The following MAF variants were observed in gnomAD, a reference collection of about 807,000 sequenced individuals.
The protein encoded by MAF is transcription factor Maf.
A neutral mutation model predicts 22.0 loss-of-function variants in MAF; 10 were observed. The observed-to-expected ratio is 0.45, with a 90% confidence interval of 0.28 to 0.77. The LOEUF (loss-of-function observed/expected upper bound fraction) is 0.77, where lower values mean the gene tolerates loss of function less well. Ranked by LOEUF, MAF falls within the 30% of genes least tolerant of loss-of-function variation. MAF has a pLI of 0.12. For missense variants in MAF, 544 were observed against 548.4 expected (o/e 0.99, Z 0.08); for synonymous variants, 337 against 255.8 (o/e 1.32, Z -3.03).
At chr16:79,274,018 G>A in the MAF span, among the ~76,000 whole-genome samples, 4 of 143,210 alleles carry the variant, frequency 2.8e-5, no homozygotes, top group East Asian at 4.6e-4. Context: ...GCAAGGGCAC[G>A]ATCTCGGCTC....
chr16:79,259,118 C>T, the MAF span, among the ~76,000 whole-genome samples: 941 of 152,288 alleles, frequency 6.2e-3, 4 homozygotes, highest in Non-Finnish European at 7.0e-3. Flanking sequence ...TAAAACTCAC[C>T]GATGGCTTTC....
the MAF span, among the ~76,000 whole-genome samples, chr16:79,418,967 T>G: frequency 6.6e-6 from 1 of 152,208 alleles, no homozygotes; most frequent in East Asian, 1.9e-4. Flanking sequence ...TTTATTTGAT[T>G]AAAATGGGCT....
the MAF span, among the ~76,000 whole-genome samples, chr16:79,426,524 C>A: frequency 1.3e-5 from 2 of 152,176 alleles, no homozygotes; most frequent in Non-Finnish European, 2.9e-5. Context: ...TCCTTAGGAT[C>A]CAGCCCTACC....
chr16:79,331,849 G>A, the MAF span, among the ~76,000 whole-genome samples: 1 of 152,062 alleles, frequency 6.6e-6, no homozygotes, highest in Non-Finnish European at 1.5e-5. Flanking sequence ...TGCCCACCTG[G>A]CTCCCTACTT....
chr16:79,415,934 A>G, the MAF span, among the ~76,000 whole-genome samples: 240 of 152,114 alleles, frequency 1.6e-3, 2 homozygotes, highest in African/African-American at 5.6e-3. Flanking sequence ...TACGGTCCTT[A>G]GAATGTCCCT....
At chr16:79,241,565 G>T in the MAF span, among the ~76,000 whole-genome samples, 5 of 152,066 alleles carry the variant, frequency 3.3e-5, no homozygotes, top group Admixed American at 2.6e-4. Context: ...ATCTACATTT[G>T]ATTGGTGTAC....
the MAF span, among the ~76,000 whole-genome samples, chr16:79,283,884 T>C: frequency 2.0e-5 from 3 of 150,378 alleles, no homozygotes; most frequent in Admixed American, 1.3e-4. Context: ...CAGTGTCTCC[T>C]GCACGGGGTA....
chr16:79,295,855 G>A, the MAF span, among the ~76,000 whole-genome samples: 1,514 of 152,298 alleles, frequency 9.9e-3, 28 homozygotes, highest in African/African-American at 0.035. Flanking sequence ...TTTCACAGAT[G>A]AGAAACTGAA....
the MAF span, among the ~76,000 whole-genome samples, chr16:79,378,407 A>C: frequency 6.6e-6 from 1 of 152,218 alleles, no homozygotes; most frequent in Non-Finnish European, 1.5e-5. Context: ...ATAAAAATTA[A>C]AACCAAGCTT....
chr16:79,448,677 A>T, the MAF span, among the ~76,000 whole-genome samples: 1 of 151,992 alleles, frequency 6.6e-6, no homozygotes, highest in African/African-American at 2.4e-5. Context: ...CACACGCCTC[A>T]ACCTCCCAAA....
chr16:79,475,051 T>C, the MAF span, among the ~76,000 whole-genome samples: 1 of 152,228 alleles, frequency 6.6e-6, no homozygotes, highest in African/African-American at 2.4e-5. Context: ...ACACATGGCC[T>C]TGGCCTCACC....
At chr16:79,538,880 A>G in the MAF span, among the ~76,000 whole-genome samples, 12 of 29,524 alleles carry the variant, frequency 4.1e-4, no homozygotes, top group African/African-American at 6.4e-4. Context: ...GAAAAGAAAG[A>G]AAGAAAGAAA....
the MAF span, among the ~76,000 whole-genome samples, chr16:79,520,054 G>A: frequency 4.6e-5 from 7 of 152,200 alleles, no homozygotes; most frequent in African/African-American, 1.7e-4. Context: ...ACACACGTTG[G>A]GTCAAAAGGT....
chr16:79,333,208 G>T, the MAF span, among the ~76,000 whole-genome samples: 1 of 152,186 alleles, frequency 6.6e-6, no homozygotes, highest in Admixed American at 6.5e-5. Flanking sequence ...TGGACCAGAA[G>T]AACTTTGCTG....
At chr16:79,211,683 A>C in the MAF span, 6 of 1,614,184 alleles carry the variant, frequency 3.7e-6, no homozygotes. Context: ...GTACTTCAAC[A>C]ACTGCTGCCG....
At chr16:79,267,993 G>C in the MAF span, among the ~76,000 whole-genome samples, 2 of 152,172 alleles carry the variant, frequency 1.3e-5, no homozygotes, top group Admixed American at 1.3e-4. Flanking sequence ...TCACACCTCA[G>C]TTACTGGCAG....
chr16:79,251,568 C>T, the MAF span, among the ~76,000 whole-genome samples: 48 of 151,130 alleles, frequency 3.2e-4, no homozygotes, highest in Non-Finnish European at 5.5e-4. Context: ...CCATTCGCCT[C>T]GGCCTCCCAA....
the MAF span, among the ~76,000 whole-genome samples, chr16:79,419,378 T>C: frequency 4.6e-5 from 7 of 152,182 alleles, no homozygotes; most frequent in African/African-American, 1.7e-4. Flanking sequence ...TGGACAGAGA[T>C]TGAGAAAACA....
the MAF span, among the ~76,000 whole-genome samples, chr16:79,418,888 C>T: frequency 3.3e-5 from 5 of 152,230 alleles, no homozygotes; most frequent in Middle Eastern, 3.2e-3. Flanking sequence ...ACTCCGTCTC[C>T]TGCTCCTCTG....
Sources: allele counts gnomAD v4.1 joint callset (sites outside exome capture counted in the v4.1 genomes callset), GRCh38; gene constraint gnomAD v4.1.1; transcripts MANE v1.5; gene names NCBI Gene and HGNC (gene_info 2026-07-23, HGNC 2026-07-21).